CCNH: variants seen among roughly 807,000 people sequenced by gnomAD.
The protein encoded by CCNH is cyclin-H.
CCNH carries 31 observed loss-of-function variants against 41.9 expected under a neutral mutation model. The observed-to-expected ratio is 0.74, with a 90% confidence interval of 0.56 to 1.00. The LOEUF (loss-of-function observed/expected upper bound fraction) is 1.00, where lower values mean the gene tolerates loss of function less well. Ranked by LOEUF, CCNH falls within the 50% of genes least tolerant of loss-of-function variation. The pLI, the probability that CCNH is intolerant of heterozygous loss-of-function variation, is 0.00. For missense variants in CCNH, 362 were observed against 388.4 expected (o/e 0.93, Z 0.57); for synonymous variants, 138 against 136.1 (o/e 1.01, Z -0.10).
At position 87,343,683 on chromosome 5, in the gene CCNH, T is replaced by G. The variant is rs563272204; in HGVS notation, c.*91-24786A>C. Reference sequence around the variant, plus strand: ...TGGAAGTTCTTCAAAAAATTAAAAATAAAGCTACCATATGATCCGGCAATC... The same window carrying G: ...TGGAAGTTCTTCAAAAAATTAAAAAGAAAGCTACCATATGATCCGGCAATC... On this transcript the variant is annotated intron_variant and NMD_transcript_variant, in intron 9 of 9. Transcript: ENST00000645953. 2.6e-5 allele frequency among the ~76,000 whole-genome samples: 4 copies of G among 152,158 alleles called. No homozygotes were observed. In the East Asian group the frequency reaches 7.7e-4, roughly 29 times the overall value.
downstream of CCNH, among the ~76,000 whole-genome samples, chr5:87,373,834 AATTTTCTTCT>A (rs1250255902): frequency 6.6e-6 from 1 of 152,038 alleles, no homozygotes; most frequent in African/African-American, 2.4e-5. Flanking sequence ...ATTAATAAAG[AATTTTCTTCT>A]TAACTTCATT....
intron 9 of CCNH, among the ~76,000 whole-genome samples, chr5:87,336,811 C>G (rs956365518): frequency 6.6e-6 from 1 of 151,990 alleles, no homozygotes; most frequent in African/African-American, 2.4e-5. Flanking sequence ...GTGGTAATGT[C>G]TGCTGCCATT....
At chr5:87,328,216 T>C (rs1260386142) in intron 9 of CCNH, among the ~76,000 whole-genome samples, 1 of 152,206 alleles carries the variant, frequency 6.6e-6, no homozygotes, top group East Asian at 1.9e-4. Flanking sequence ...TTAACTTAGA[T>C]GATGAGCTAT....
intron 9 of CCNH, among the ~76,000 whole-genome samples, chr5:87,324,209 C>T (rs1191429643): frequency 6.6e-6 from 1 of 152,126 alleles, no homozygotes; most frequent in East Asian, 1.9e-4. Context: ...ATTTAAAGAA[C>T]ACAGATACAA....
At chr5:87,396,480 C>T (rs746199814) in intron 7 of CCNH, among the ~76,000 whole-genome samples, 1 of 152,100 alleles carries the variant, frequency 6.6e-6, no homozygotes, top group Non-Finnish European at 1.5e-5. Context: ...AAAAAATTAG[C>T]TGGGCATGTT....
intron 9 of CCNH, chr5:87,331,524 A>C (rs1757597983): frequency 1.2e-6 from 2 of 1,608,596 alleles, no homozygotes; most frequent in African/African-American, 2.7e-5. Context: ...CCTATTATGA[A>C]GCCAAATGAT....
intron 5 of CCNH, among the ~76,000 whole-genome samples, chr5:87,402,342 T>G (rs1763479917): frequency 6.6e-6 from 1 of 152,186 alleles, no homozygotes; most frequent in Non-Finnish European, 1.5e-5. Flanking sequence ...GGTGTTAAAC[T>G]TACTTATCAA....
intron 7 of CCNH, among the ~76,000 whole-genome samples, chr5:87,398,153 A>G (rs750890328): frequency 2.2e-4 from 34 of 152,330 alleles, no homozygotes; most frequent in Non-Finnish European, 2.8e-4. Context: ...AAATCCACCA[A>G]TTTCAAGTTC....
downstream of CCNH, chr5:87,392,995 T>G (rs1382640804): frequency 6.6e-6 from 1 of 151,954 alleles, no homozygotes; most frequent in Non-Finnish European, 1.5e-5. Context: ...CGATGGAGGA[T>G]TTATAACTTT....
intron 9 of CCNH, chr5:87,337,942 A>T: frequency 3.2e-6 from 5 of 1,563,896 alleles, no homozygotes; most frequent in Non-Finnish European, 4.3e-6. Context: ...TAAAATTTTT[A>T]AATTTAATAA....
chr5:87,398,976 G>C (rs895522236), intron 7 of CCNH, among the ~76,000 whole-genome samples: 1 of 113,674 alleles, frequency 8.8e-6, no homozygotes, highest in Non-Finnish European at 1.9e-5. Context: ...CCATCTCAAA[G>C]AAAAAAAAAA....
intron 2 of CCNH, 104 bp from the exon 3 acceptor site, chr5:87,409,467 A>C: frequency 1.6e-6 from 1 of 624,650 alleles, no homozygotes; most frequent in Non-Finnish European, 2.8e-6. Flanking sequence ...TGTAGAGATT[A>C]CCCAGAAAAA....
intron 9 of CCNH, among the ~76,000 whole-genome samples, chr5:87,348,011 G>C (rs1241400639): frequency 6.6e-6 from 1 of 151,950 alleles, no homozygotes; most frequent in Non-Finnish European, 1.5e-5. Flanking sequence ...TCTCTCCTGA[G>C]AAGTACAAAT....
chr5:87,335,425 T>TG (rs1216175126), intron 9 of CCNH, among the ~76,000 whole-genome samples: 4 of 141,872 alleles, frequency 2.8e-5, no homozygotes, highest in Non-Finnish European at 6.2e-5. Context: ...TGAGGTTTTT[T>TG]TTTTTTTTTT....
intron 9 of CCNH, chr5:87,363,263 C>G: frequency 8.2e-7 from 1 of 1,222,670 alleles, no homozygotes; most frequent in South Asian, 1.3e-5. Flanking sequence ...TTGATTGATT[C>G]ATATTTTTAG....
At chr5:87,337,188 A>G (rs1758037433) in intron 9 of CCNH, among the ~76,000 whole-genome samples, 1 of 152,104 alleles carries the variant, frequency 6.6e-6, no homozygotes, top group South Asian at 2.1e-4. Context: ...CAAATTCAAG[A>G]ATTACTAATG....
At chr5:87,341,346 T>G in intron 9 of CCNH, 1 of 1,234,186 alleles carries the variant, frequency 8.1e-7, no homozygotes, top group Non-Finnish European at 1.0e-6. Context: ...ATTATTAAAA[T>G]GAAAAAAAAA....
At chr5:87,395,608 C>T (rs903381236) in intron 7 of CCNH, among the ~76,000 whole-genome samples, 5 of 152,166 alleles carry the variant, frequency 3.3e-5, no homozygotes, top group African/African-American at 1.2e-4. Context: ...CACAGGGGCT[C>T]ACAATTGTAA....
chr5:87,375,631 T>C (rs1316550278), downstream of CCNH, among the ~76,000 whole-genome samples: 1 of 152,216 alleles, frequency 6.6e-6, no homozygotes, highest in East Asian at 1.9e-4. Context: ...AACTTGAATA[T>C]GTCACTTATT....
Sources: gnomAD v4.1 joint callset for allele counts (sites outside exome capture counted in the v4.1 genomes callset) on GRCh38, gnomAD v4.1.1 for gene constraint, MANE v1.5 for transcripts, NCBI Gene and HGNC (gene_info 2026-07-23, HGNC 2026-07-21) for gene names.